The following PLXDC1 variants were observed in gnomAD, a reference collection of about 807,000 sequenced individuals.
PLXDC1 encodes plexin domain-containing protein 1.
PLXDC1 carries 39 observed loss-of-function variants against 61.3 expected under a neutral mutation model. The observed-to-expected ratio is 0.64, with a 90% CI of 0.49 to 0.83. The LOEUF is 0.83. Among genes scored for constraint, PLXDC1 ranks in the 40% least tolerant of loss-of-function variants. The probability of loss-of-function intolerance (pLI) is 0.00; values close to 1 mark genes in which losing one functional copy is unlikely to be tolerated. For synonymous variants in PLXDC1, 212 were observed against 254.5 expected, an observed-to-expected ratio of 0.83 and a Z score of 1.59; for missense variants, 596 against 666.5, an observed-to-expected ratio of 0.89 and a Z score of 1.17.
chr17:39,096,806 T>G, intron 7 of PLXDC1: 1 of 402,420 alleles, frequency 2.5e-6, no homozygotes, highest in Non-Finnish European at 5.2e-6. Flanking sequence ...AAATAAAGAG[T>G]TTCTTAAGCA....
chr17:39,070,741 G>A (rs1567752005), intron 12 of PLXDC1, among the ~76,000 whole-genome samples: 1 of 152,172 alleles, frequency 6.6e-6, no homozygotes, highest in Non-Finnish European at 1.5e-5. Context: ...ACTTTAGGAG[G>A]CCGAGGCAGG....
intron 2 of PLXDC1, among the ~76,000 whole-genome samples, chr17:39,138,668 G>C (rs976974120): frequency 3.3e-5 from 5 of 152,122 alleles, no homozygotes; most frequent in African/African-American, 1.2e-4. Flanking sequence ...CAGGCCCCAG[G>C]GGAGAGGAGG....
chr17:39,128,097 G>GTGTGTGTGTGTATATATATA (rs1911379292), intron 2 of PLXDC1, among the ~76,000 whole-genome samples: 1 of 67,478 alleles, frequency 1.5e-5, no homozygotes. Context: ...CTCTCTATGT[G>GTGTGTGTGTGTATATATATA]TATATATATA....
chr17:39,140,316 C>CTTTT lies in PLXDC1; in HGVS notation c.77-488_77-485dup, dbSNP rs772766013. On this transcript the variant is annotated intron_variant, in intron 1 of 13. Coordinates refer to ENST00000315392, the MANE Select transcript of PLXDC1 (RefSeq NM_020405.5). ...GGGCATTCAATTTCTTTTTCTTTTT[C>CTTTT]TTTTTTTGAAATGGAGTCTCGCTCT... 6.0e-3 allele frequency among the ~76,000 whole-genome samples: 910 copies of CTTTT among 151,138 alleles called. 17 individuals are homozygous for CTTTT. Among genetic ancestry groups the CTTTT allele is most frequent in the African/African-American group, 0.021 (857 of 41,088 alleles).
intron 7 of PLXDC1, among the ~76,000 whole-genome samples, chr17:39,098,657 G>A (rs1474070300): frequency 6.6e-6 from 1 of 152,212 alleles, no homozygotes; most frequent in African/African-American, 2.4e-5. Context: ...CCGGGGGGAA[G>A]AAGAGGAAGC....
At chr17:39,146,680 T>A (rs142582509) in intron 1 of PLXDC1, among the ~76,000 whole-genome samples, 415 of 150,796 alleles carry the variant, frequency 2.8e-3, no homozygotes, top group African/African-American at 9.7e-3. Context: ...AAAATTTAAT[T>A]TATTATTAAT....
chr17:39,150,104 A>G (rs1394942814), intron 1 of PLXDC1, among the ~76,000 whole-genome samples: 1 of 152,128 alleles, frequency 6.6e-6, no homozygotes, highest in African/African-American at 2.4e-5. Flanking sequence ...TCACACAGCA[A>G]GTGAGATGGC....
In PLXDC1 at chr17:39,103,427, C is replaced by T. The variant is rs1057154087; in HGVS notation, c.811+2427G>A. Among the ~76,000 whole-genome samples, 6 of 152,192 alleles carry T rather than the reference C, an allele frequency of 3.9e-5. No homozygotes were observed. In the South Asian group the frequency reaches 6.2e-4, roughly 16 times the overall value. ...GCATGGTGGCATGTGCCTGTGGCCCCAGCTTCTTGGGAGGCTGAGGTGGGA... is the reference window on the plus strand; with the variant it reads ...GCATGGTGGCATGTGCCTGTGGCCCTAGCTTCTTGGGAGGCTGAGGTGGGA... On this transcript the variant is annotated intron_variant, in intron 7 of 13. Coordinates refer to ENST00000315392, the MANE Select transcript of PLXDC1 (RefSeq NM_020405.5).
At position 39,067,420 on chromosome 17, in the gene PLXDC1, C is replaced by G. The variant is rs953630508; in HGVS notation, c.*420G>C. 7 of 161,002 alleles carry G rather than the reference C, an allele frequency of 4.3e-5. No individual in the cohort carries two copies. Among genetic ancestry groups the G allele is most frequent in the African/African-American group, 1.7e-4 (7 of 41,642 alleles). The allele number at this position is 161,002 out of a possible 1,614,324, so 10.0% of individuals were successfully genotyped here. ...ACAGTTAGCTGTTTACATGCTTCCC[C>G]TTTAATCCCAGAGTTAGTTTTGCAA... is the stretch of plus-strand genomic sequence containing the variant. On this transcript the variant is annotated 3_prime_UTR_variant, in exon 14 of 14. Coordinates refer to ENST00000315392, the MANE Select transcript of PLXDC1 (RefSeq NM_020405.5).
chr17:39,147,219 G>T (rs2045348049), intron 1 of PLXDC1, among the ~76,000 whole-genome samples: 1 of 152,150 alleles, frequency 6.6e-6, no homozygotes, highest in African/African-American at 2.4e-5. Context: ...ACCTCCCAAA[G>T]TGCTGGGATT....
chr17:39,092,952 G>C (rs1428956439), intron 7 of PLXDC1, among the ~76,000 whole-genome samples: 1 of 152,208 alleles, frequency 6.6e-6, no homozygotes, highest in Non-Finnish European at 1.5e-5. Context: ...GAAGAGACAT[G>C]TTCAGTTGCC....
rs531640528 is a variant in PLXDC1, at chr17:39,063,745, G to C, written c.*4095C>G. ...CCAGATCTTTGAATTCTACCATTAAGTTCAGGTAGGTTTTTGGAGACAGAG... is the reference window on the plus strand; with the variant it reads ...CCAGATCTTTGAATTCTACCATTAACTTCAGGTAGGTTTTTGGAGACAGAG... On this transcript the variant is annotated 3_prime_UTR_variant, in exon 14 of 14. Transcript: ENST00000315392. The C allele has an allele frequency of 1.1e-5, 5 of 462,540 alleles. No individual in the cohort carries two copies. Among genetic ancestry groups the C allele is most frequent in the Non-Finnish European group, 1.9e-5 (5 of 259,404 alleles). 28.7% of individuals were successfully genotyped at this position (462,540 alleles called of 1,614,324 possible).
chr17:39,077,429 G>A (rs1322971604), intron 11 of PLXDC1, among the ~76,000 whole-genome samples: 3 of 152,142 alleles, frequency 2.0e-5, no homozygotes, highest in Non-Finnish European at 4.4e-5. Flanking sequence ...CAGCTGAGGT[G>A]GAATTCCCCA....
chr17:39,063,626 C>T lies in PLXDC1; in HGVS notation c.*4214G>A. On this transcript the variant is annotated 3_prime_UTR_variant, in exon 14 of 14. Coordinates refer to ENST00000315392, the MANE Select transcript of PLXDC1 (RefSeq NM_020405.5). ...ACACAGCAGGAGTTGTAAAAGAATG[C>T]TTCCTTTTATTATTAACACTGAGAA... The T allele has an allele frequency of 1.6e-6, 1 of 625,670 alleles. No individual in the cohort carries two copies. Among genetic ancestry groups the T allele is most frequent in the Non-Finnish European group, 2.8e-6 (1 of 350,894 alleles). The allele number at this position is 625,670 out of a possible 1,614,324, so 38.8% of individuals were successfully genotyped here.
intron 2 of PLXDC1, among the ~76,000 whole-genome samples, chr17:39,117,224 G>A (rs1039713529): frequency 6.6e-6 from 1 of 152,130 alleles, no homozygotes; most frequent in Admixed American, 6.6e-5. Context: ...ACCTCTCCCC[G>A]ACCACTGAAT....
At chr17:39,108,574 C>T (rs1367378191) in intron 4 of PLXDC1, 1 of 508,028 alleles carries the variant, frequency 2.0e-6, no homozygotes, top group African/African-American at 1.9e-5. Context: ...TGCCTCCTAT[C>T]AACAGGGAGC....
Position 39,108,252 on chromosome 17 carries a change from TG to T in PLXDC1, c.470-8del. The stretch of plus-strand genomic sequence containing the variant: ...TCCCCCATGAAGATGAAGCCTAGGG[TG>T]GGAGAGGTGCAGAGGAGTCACCAGA... On this transcript the variant is annotated splice_region_variant and splice_polypyrimidine_tract_variant and intron_variant, in intron 4 of 13. Transcript: ENST00000315392. 1 of 1,613,390 alleles carries T rather than the reference TG, an allele frequency of 6.2e-7. No individual in the cohort carries two copies. Among genetic ancestry groups the T allele is most frequent in the African/African-American group, 1.3e-5 (1 of 74,928 alleles).
At chr17:39,137,890 C>T (rs1440028674) in intron 2 of PLXDC1, among the ~76,000 whole-genome samples, 1 of 151,846 alleles carries the variant, frequency 6.6e-6, no homozygotes, top group African/African-American at 2.4e-5. Flanking sequence ...AGAAGTTTCT[C>T]GGGGGGATAA....
chr17:39,114,999 A>T (rs954464096), intron 2 of PLXDC1, among the ~76,000 whole-genome samples: 4 of 152,224 alleles, frequency 2.6e-5, no homozygotes, highest in African/African-American at 9.6e-5. Context: ...TAAGACTGCA[A>T]AGCGTGAGCT....
Sources: gnomAD v4.1 joint callset for allele counts (sites outside exome capture counted in the v4.1 genomes callset) on GRCh38, gnomAD v4.1.1 for gene constraint, MANE v1.5 for transcripts, NCBI Gene and HGNC (gene_info 2026-07-23, HGNC 2026-07-21) for gene names.